Variants in LRMDA observed in about 807,000 individuals in gnomAD.
The protein encoded by LRMDA is leucine rich melanocyte differentiation associated.
A neutral mutation model predicts 29.8 loss-of-function variants in LRMDA; 18 were observed. That is an observed-to-expected ratio of 0.60 (90% CI 0.42 to 0.90). The LOEUF is 0.90. Among genes scored for constraint, LRMDA ranks in the 40% least tolerant of loss-of-function variants. LRMDA has a pLI of 0.00. For missense variants in LRMDA, 273 were observed against 273.9 expected, an observed-to-expected ratio of 1.00 and a Z score of 0.02; for synonymous variants, 125 against 109.4, an observed-to-expected ratio of 1.14 and a Z score of -0.89.
intron 2 of LRMDA, among the ~76,000 whole-genome samples, chr10:75,961,358 G>A (rs1419017701): frequency 6.6e-6 from 1 of 152,096 alleles, no homozygotes. Flanking sequence ...TAATATTCTC[G>A]TAGCAAGGTG....
intron 2 of LRMDA, among the ~76,000 whole-genome samples, chr10:76,002,758 G>A (rs984763056): frequency 3.9e-5 from 6 of 152,142 alleles, no homozygotes; most frequent in African/African-American, 1.4e-4. Flanking sequence ...ATTGAGGCAA[G>A]GAGGGGCTCC....
At chr10:75,791,557 G>A (rs1407063248) in intron 2 of LRMDA, among the ~76,000 whole-genome samples, 2 of 152,170 alleles carry the variant, frequency 1.3e-5, no homozygotes, top group Admixed American at 6.5e-5. Context: ...TTTTAGGAAA[G>A]CTTTGTGCTG....
chr10:75,776,669 C>T (rs1843315740), intron 2 of LRMDA, among the ~76,000 whole-genome samples: 2 of 152,158 alleles, frequency 1.3e-5, no homozygotes, highest in Admixed American at 1.3e-4. Flanking sequence ...GTACATTTTA[C>T]CCTGTCTTAG....
intron 5 of LRMDA, among the ~76,000 whole-genome samples, chr10:76,219,826 A>G (rs1212329915): frequency 1.3e-5 from 2 of 152,154 alleles, no homozygotes; most frequent in African/African-American, 2.4e-5. Flanking sequence ...TTTTTTCAGC[A>G]CCACACCACA....
chr10:76,503,122 C>G, intron 6 of LRMDA, among the ~76,000 whole-genome samples: 1 of 151,936 alleles, frequency 6.6e-6, no homozygotes. Flanking sequence ...TGGATTTTAT[C>G]TAAAGCTTTT....
chr10:76,033,947 T>C lies in LRMDA; in HGVS notation c.132-2061T>C, dbSNP rs146564283. On this transcript the variant is annotated intron_variant, in intron 2 of 6. Transcript: ENST00000611255. ...AACACACCCCCAGGGTCAGGGCGTC[T>C]GGAAACAAAACAGTGAATAAAAGGA... 3.3e-3 allele frequency among the ~76,000 whole-genome samples: 494 copies of C among 151,374 alleles called. 1 individual carries two copies. The highest frequency in any genetic ancestry group is 0.012 in the African/African-American group (484 of 41,168).
intron 2 of LRMDA, among the ~76,000 whole-genome samples, chr10:75,751,702 G>T (rs1173528260): frequency 4.6e-5 from 7 of 151,722 alleles, no homozygotes; most frequent in Non-Finnish European, 1.0e-4. Flanking sequence ...CCCCTGCAGT[G>T]ATCTTTATTT....
chr10:76,319,695 T>C (rs1370924508), intron 5 of LRMDA, among the ~76,000 whole-genome samples: 4 of 152,212 alleles, frequency 2.6e-5, no homozygotes, highest in Admixed American at 1.3e-4. Context: ...GTCAGCTTTA[T>C]ACCATGGTTT....
intron 6 of LRMDA, among the ~76,000 whole-genome samples, chr10:76,481,370 C>A (rs576307098): frequency 6.6e-6 from 1 of 151,852 alleles, no homozygotes; most frequent in Non-Finnish European, 1.5e-5. Context: ...TGAATGAACT[C>A]AGCACATTTT....
In LRMDA at chr10:76,498,853, T is replaced by C. The variant is rs1842893336; in HGVS notation, c.602-58356T>C. ...CTCTTGGTCTTTCCTTAGTTAAGGGTGAGGGAGACTCTTTGGTTCTCCAGC... is the reference window on the plus strand; with the variant it reads ...CTCTTGGTCTTTCCTTAGTTAAGGGCGAGGGAGACTCTTTGGTTCTCCAGC... On this transcript the variant is annotated intron_variant, in intron 6 of 6. Transcript: ENST00000611255. Among the ~76,000 whole-genome samples the C allele has an allele frequency of 1.2e-4, 9 of 75,112 alleles. 3 individuals carry two copies. The highest frequency in any genetic ancestry group is 1.1e-3 in the Admixed American group (9 of 8,078). 49.3% of individuals were successfully genotyped at this position (75,112 alleles called of 152,430 possible). A position where few individuals can be genotyped will look rare whatever the true frequency, so the allele number is the denominator to read the frequency against.
At chr10:76,519,277 T>C (rs1843095435) in intron 6 of LRMDA, among the ~76,000 whole-genome samples, 1 of 152,096 alleles carries the variant, frequency 6.6e-6, no homozygotes, top group African/African-American at 2.4e-5. Context: ...GAAAATACCG[T>C]ATATTGAAAA....
Position 75,473,425 on chromosome 10 carries a change from A to T in LRMDA, c.131+34931A>T, listed in dbSNP as rs1267439717. 3.3e-5 allele frequency among the ~76,000 whole-genome samples: 5 copies of T among 152,206 alleles called. No individual in the cohort carries two copies. In the East Asian group the frequency reaches 9.6e-4, roughly 29 times the overall value. ...TGTTACTCAAAATAAGTGTGTCTGG[A>T]GGTGATGCGTTTCCGAAGTTCAGTG... is the stretch of plus-strand genomic sequence containing the variant. On this transcript the variant is annotated intron_variant, in intron 2 of 6. Coordinates refer to ENST00000611255, the MANE Select transcript of LRMDA (RefSeq NM_001305581.2).
intron 5 of LRMDA, among the ~76,000 whole-genome samples, chr10:76,178,364 G>T (rs181174465): frequency 6.6e-6 from 1 of 152,206 alleles, no homozygotes; most frequent in Admixed American, 6.5e-5. Flanking sequence ...AGTCCTCTTT[G>T]TGTCTTCGTA....
chr10:75,946,545 G>A (rs1170594943), intron 2 of LRMDA, among the ~76,000 whole-genome samples: 2 of 152,198 alleles, frequency 1.3e-5, no homozygotes, highest in African/African-American at 4.8e-5. Context: ...ATTTGTGGGT[G>A]TGTGAAAGGT....
chr10:75,788,684 C>T (rs1362686401), intron 2 of LRMDA, among the ~76,000 whole-genome samples: 3 of 152,180 alleles, frequency 2.0e-5, no homozygotes, highest in Non-Finnish European at 4.4e-5. Context: ...TAACCATTTA[C>T]GAGACACAGC....
chr10:75,436,305 G>A (rs1427154134), intron 1 of LRMDA, among the ~76,000 whole-genome samples: 2 of 152,118 alleles, frequency 1.3e-5, no homozygotes, highest in Admixed American at 6.5e-5. Flanking sequence ...AAAGAGCCCA[G>A]TTTCTGCATC....
intron 6 of LRMDA, among the ~76,000 whole-genome samples, chr10:76,332,077 T>C (rs777888461): frequency 6.6e-6 from 1 of 152,234 alleles, no homozygotes; most frequent in African/African-American, 2.4e-5. Flanking sequence ...ATCTCCTTGC[T>C]ACTTTGCAGG....
intron 5 of LRMDA, among the ~76,000 whole-genome samples, chr10:76,073,765 C>A (rs1848912769): frequency 6.6e-6 from 1 of 152,160 alleles, no homozygotes; most frequent in African/African-American, 2.4e-5. Flanking sequence ...TCAAAAGGAA[C>A]ACTTAACATT....
intron 2 of LRMDA, among the ~76,000 whole-genome samples, chr10:76,018,887 A>G (rs908634243): frequency 2.0e-5 from 3 of 152,192 alleles, no homozygotes; most frequent in East Asian, 1.9e-4. Context: ...CTCTTAAGAC[A>G]TAAAGTGAAA....
Sources: gnomAD v4.1 joint callset for allele counts (sites outside exome capture counted in the v4.1 genomes callset) on GRCh38, gnomAD v4.1.1 for gene constraint, MANE v1.5 for transcripts, NCBI Gene and HGNC (gene_info 2026-07-23, HGNC 2026-07-21) for gene names.